Variants in NFX1 observed in about 807,000 individuals in gnomAD.
NFX1 encodes nuclear transcription factor, X-box binding 1.
In NFX1, 69 loss-of-function variants were observed where a neutral mutation model predicts 137.2. The ratio of observed to expected loss-of-function variants is 0.50; its 90% confidence interval spans 0.41 to 0.61. NFX1 has a LOEUF of 0.61. NFX1 is among the 20% of genes least tolerant of loss of function. The pLI is 0.00. For missense variants in NFX1, 1,167 were observed against 1,391.0 expected, an observed-to-expected ratio of 0.84 and a Z score of 2.56; for synonymous variants, 495 against 474.1, an observed-to-expected ratio of 1.04 and a Z score of -0.57.
intron 3 of NFX1, among the ~76,000 whole-genome samples, chr9:33,302,528 AT>A (rs879769268): frequency 1.3e-3 from 181 of 142,926 alleles, no homozygotes; most frequent in Middle Eastern, 3.6e-3. Flanking sequence ...CATCCAGCTA[AT>A]TTTTTTTTTT....
chr9:33,303,092 C>G, intron 3 of NFX1, 99 bp from the exon 4 acceptor site: 1 of 792,532 alleles, frequency 1.3e-6, no homozygotes, highest in South Asian at 1.5e-5. Context: ...ATTATTACCA[C>G]TACTTCAATA....
At chr9:33,319,185 TG>T in intron 9 of NFX1, 58 bp downstream of exon 9, 1 of 1,465,998 alleles carries the variant, frequency 6.8e-7, no homozygotes, top group Non-Finnish European at 9.5e-7. Context: ...TTGGCAGCAG[TG>T]AGTGTTTAAG....
intron 15 of NFX1, 109 bp from the exon 16 acceptor site, chr9:33,351,450 CA>C: frequency 2.7e-6 from 3 of 1,096,402 alleles, no homozygotes; most frequent in Non-Finnish European, 4.0e-6. Flanking sequence ...TATCCGAAAA[CA>C]AAACAAAACC....
At chr9:33,316,042 T>A (rs1352935139) in intron 7 of NFX1, among the ~76,000 whole-genome samples, 1 of 152,174 alleles carries the variant, frequency 6.6e-6, no homozygotes, top group East Asian at 1.9e-4. Flanking sequence ...GTCCTGATTA[T>A]TTTCCAGACT....
At chr9:33,306,806 G>A (rs983464532) in intron 4 of NFX1, among the ~76,000 whole-genome samples, 5 of 151,958 alleles carry the variant, frequency 3.3e-5, no homozygotes, top group African/African-American at 7.3e-5. Context: ...CTTTCCCCAC[G>A]GTGCTCTTCT....
chr9:33,338,535 G>T lies in NFX1; in HGVS notation c.2061G>T (p.Arg687=). 1 of 1,603,940 alleles carries T rather than the reference G, an allele frequency of 6.2e-7. No homozygotes were observed. Among genetic ancestry groups the T allele is most frequent in the Non-Finnish European group, 8.5e-7 (1 of 1,177,260 alleles). Residue 687 remains arginine (R), a synonymous_variant, in exon 12 of 24, where the codon CGG becomes CGT. Coordinates refer to ENST00000379540, the MANE Select transcript of NFX1 (RefSeq NM_002504.6). ...SEDATFMCDK[R]CNKKRLCGRH... ...ATGCTACATTTATGTGTGACAAGCG[G>T]TGTAACAAGAAACGGTTGTGTGGAC...
intron 23 of NFX1, 58 bp from the exon 24 acceptor site, chr9:33,369,848 T>C: frequency 8.3e-7 from 1 of 1,203,718 alleles, no homozygotes; most frequent in Admixed American, 1.8e-5. Flanking sequence ...CTTTCTGAAG[T>C]CCTGTATCTG....
chr9:33,362,508 GAC>G (rs1824026540), intron 19 of NFX1, among the ~76,000 whole-genome samples: 1 of 151,994 alleles, frequency 6.6e-6, no homozygotes, highest in African/African-American at 2.4e-5. Flanking sequence ...AAATAAGCCA[GAC>G]ACAGAAAGAC....
chr9:33,358,895 C>T (rs942795971), intron 19 of NFX1, among the ~76,000 whole-genome samples: 2 of 151,066 alleles, frequency 1.3e-5, no homozygotes, highest in African/African-American at 2.4e-5. Context: ...GATGGCATCT[C>T]GCTATGTTGG....
intron 17 of NFX1, among the ~76,000 whole-genome samples, chr9:33,353,061 A>G (rs1455543502): frequency 6.6e-6 from 1 of 152,188 alleles, no homozygotes; most frequent in Non-Finnish European, 1.5e-5. Flanking sequence ...TCTTACATAC[A>G]TTTTTAAAAA....
chr9:33,307,374 G>T (rs1340251105), intron 5 of NFX1, 75 bp downstream of exon 5: 17 of 1,254,770 alleles, frequency 1.4e-5, no homozygotes, highest in Non-Finnish European at 1.5e-5. Context: ...AACATACCTG[G>T]TTAGCATGTA....
intron 11 of NFX1, among the ~76,000 whole-genome samples, chr9:33,336,518 T>G (rs904136579): frequency 5.9e-5 from 9 of 152,276 alleles, no homozygotes; most frequent in South Asian, 2.1e-4. Context: ...CGACCATTTT[T>G]GGGGCTTTTT....
chr9:33,370,489 A>C lies in NFX1; in HGVS notation c.*511A>C, dbSNP rs1824294888. On this transcript the variant is annotated 3_prime_UTR_variant, in exon 24 of 24. Coordinates refer to ENST00000379540, the MANE Select transcript of NFX1 (RefSeq NM_002504.6). ...GAATTGGTATACCATATCCGGAATC[A>C]CACATGTTATCTTAAACCCAGCCAT... is the stretch of plus-strand genomic sequence containing the variant. 1 of 152,768 alleles carries C rather than the reference A, an allele frequency of 6.5e-6. No individual in the cohort carries two copies. Among genetic ancestry groups the C allele is most frequent in the African/African-American group, 2.4e-5 (1 of 41,466 alleles). The allele number at this position is 152,768 out of a possible 1,614,324, so 9.5% of individuals were successfully genotyped here.
chr9:33,351,670 G>C lies in NFX1; in HGVS notation c.2535G>C (p.Glu845Asp), dbSNP rs1181184349. The C allele has an allele frequency of 6.2e-7, 1 of 1,614,164 alleles. No individual in the cohort carries two copies. Among genetic ancestry groups the C allele is most frequent in the Non-Finnish European group, 8.5e-7 (1 of 1,180,028 alleles). The change falls in exon 16 of 24, where the codon GAG (glutamate) becomes GAC (aspartate). Residue 845 changes from glutamate to aspartate, a missense_variant. Physicochemically the swap from Glu to Asp is conservative, Grantham distance 45 (BLOSUM62 2). Coordinates refer to ENST00000379540, the MANE Select transcript of NFX1 (RefSeq NM_002504.6). ...GTCAGAGACTCTGTCACAAAGGGGA[G>C]TGTCTTGTGGATGAGCCCTGCAAGC... ...HKCQRLCHKG[E>D]CLVDEPCKQP...
At chr9:33,367,206 G>A (rs1824194474) in intron 22 of NFX1, among the ~76,000 whole-genome samples, 1 of 152,176 alleles carries the variant, frequency 6.6e-6, no homozygotes, top group African/African-American at 2.4e-5. Context: ...TGCCATCAGA[G>A]GAAACTGAAG....
intron 2 of NFX1, among the ~76,000 whole-genome samples, chr9:33,297,455 G>A (rs966063335): frequency 6.6e-6 from 1 of 152,204 alleles, no homozygotes; most frequent in Non-Finnish European, 1.5e-5. Context: ...TTGCTTTATA[G>A]TGAATTATCA....
Position 33,317,705 on chromosome 9 carries a change from G to A in NFX1, c.1589-1026G>A, listed in dbSNP as rs183367103. 2.1e-3 allele frequency among the ~76,000 whole-genome samples: 320 copies of A among 151,692 alleles called. 2 individuals carry two copies. The highest frequency in any genetic ancestry group is 3.4e-3 in the Middle Eastern group (1 of 294). Reference sequence around the variant, plus strand: ...AGAGTCTTAATTATGGCCGGGCGTGGTGGCTCACGCCTGTAGTCCCAGCCC... The same window carrying A: ...AGAGTCTTAATTATGGCCGGGCGTGATGGCTCACGCCTGTAGTCCCAGCCC... On this transcript the variant is annotated intron_variant, in intron 7 of 23. Coordinates refer to ENST00000379540, the MANE Select transcript of NFX1 (RefSeq NM_002504.6).
At position 33,303,177 on chromosome 9, in the gene NFX1, A is replaced by G; in HGVS notation, c.1193-14A>G. On this transcript the variant is annotated splice_polypyrimidine_tract_variant and intron_variant, in intron 3 of 23. Coordinates refer to ENST00000379540, the MANE Select transcript of NFX1 (RefSeq NM_002504.6). The stretch of plus-strand genomic sequence containing the variant: ...AAGAAAATTTATTTGGCCTACTCCC[A>G]TTTTTCCTGACAGATGGCCAGAGTG... 1 of 1,613,024 alleles carries G rather than the reference A, an allele frequency of 6.2e-7. No homozygotes were observed.
chr9:33,335,057 C>T (rs1462407300), intron 11 of NFX1, among the ~76,000 whole-genome samples: 1 of 152,128 alleles, frequency 6.6e-6, no homozygotes, highest in East Asian at 1.9e-4. Flanking sequence ...TATCATTTCA[C>T]CCATAAATAC....
Sources: gnomAD v4.1 joint callset for allele counts (sites outside exome capture counted in the v4.1 genomes callset) on GRCh38, gnomAD v4.1.1 for gene constraint, MANE v1.5 for transcripts, NCBI Gene and HGNC (gene_info 2026-07-23, HGNC 2026-07-21) for gene names.